MPHOSPH8: variants seen among roughly 807,000 people sequenced by gnomAD.
MPHOSPH8 encodes the protein M-phase phosphoprotein 8.
Under a neutral mutation model 87.3 loss-of-function variants are expected in MPHOSPH8, and 45 were observed. The observed-to-expected ratio is 0.52, with a 90% CI of 0.41 to 0.66. The LOEUF (loss-of-function observed/expected upper bound fraction) is 0.66, where lower values mean the gene tolerates loss of function less well. MPHOSPH8 is among the 30% of genes least tolerant of loss of function. MPHOSPH8 has a pLI of 0.00. For synonymous variants in MPHOSPH8, 366 were observed against 376.9 expected (o/e 0.97, Z 0.33); for missense variants, 883 against 1,020.2 (o/e 0.87, Z 1.83).
At chr13:19,656,015 G>A (rs944762622) in intron 5 of MPHOSPH8, among the ~76,000 whole-genome samples, 4 of 152,006 alleles carry the variant, frequency 2.6e-5, no homozygotes, top group African/African-American at 7.2e-5. Flanking sequence ...CAGGATAATC[G>A]CTTAAATCCG....
chr13:19,671,857 C>CA lies in MPHOSPH8; in HGVS notation c.2566dup (p.Arg856LysfsTer37). The CA allele has an allele frequency of 6.2e-7, 1 of 1,614,106 alleles. No homozygotes were observed. On this transcript the variant is annotated frameshift_variant, in exon 14 of 14. Transcript: ENST00000361479. LOFTEE classifies it high-confidence loss of function. ...AGGTTAAGTTGCTAATAGGTGCATA[C>CA]AGAGTGCAGCTGCAGTGACCAAACA... is the stretch of plus-strand genomic sequence containing the variant.
intron 2 of MPHOSPH8, among the ~76,000 whole-genome samples, chr13:19,644,688 C>A (rs753751513): frequency 2.0e-5 from 3 of 152,210 alleles, no homozygotes; most frequent in Non-Finnish European, 4.4e-5. Flanking sequence ...TCACTGACTT[C>A]TTTTGTTTCC....
rs776701900 is a variant in MPHOSPH8, at chr13:19,646,940, G to A, written c.867G>A (p.Glu289=). 5 of 1,592,106 alleles carry A rather than the reference G, an allele frequency of 3.1e-6. No homozygotes were observed. Among genetic ancestry groups the A allele is most frequent in the Non-Finnish European group, 3.4e-6 (4 of 1,174,802 alleles). The part of the protein sequence containing the change: ...SEGLHSDSRE[E]KQNTKSARER... ...GGCTACATTCCGACAGCAGAGAAGA[G>A]AAACAAAACACTAAAAGTGCAAGAG... Residue 289 remains glutamate, a synonymous_variant, in exon 3 of 14, where the codon GAG becomes GAA. Transcript: ENST00000361479.
rs544268362 is a variant in MPHOSPH8, at chr13:19,638,595, C to T, written c.214-3520C>T. Among the ~76,000 whole-genome samples the T allele has an allele frequency of 2.7e-5, 4 of 149,866 alleles. No individual in the cohort carries two copies. In the East Asian group the frequency reaches 7.9e-4, roughly 29 times the overall value. On this transcript the variant is annotated intron_variant, in intron 1 of 13. Coordinates refer to ENST00000361479, the MANE Select transcript of MPHOSPH8 (RefSeq NM_017520.4). ...GACACTGCACTCCAGCCTGACAGAG[C>T]AAGACTCTGTCTCAAAAAAAAAAAA...
chr13:19,646,752 T>A lies in MPHOSPH8; in HGVS notation c.679T>A (p.Leu227Ile). 1 of 1,581,398 alleles carries A rather than the reference T, an allele frequency of 6.3e-7. No homozygotes were observed. The highest frequency in any genetic ancestry group is 8.6e-7 in the Non-Finnish European group (1 of 1,167,404). ...AGATGAAGTAAAAGAAACAAAAGAA[T>A]TAAAGAAAGTTAAAAAGGGTGAAAT... ...KKDEVKETKE[L>I]KKVKKGEIRD... The change falls in exon 3 of 14, where the codon TTA (leucine) becomes ATA (isoleucine). Residue 227 changes from leucine (L) to isoleucine (I), a missense_variant. This residue lies in a region of MPHOSPH8 where 741 missense variants were observed against 841.5 expected (regional missense o/e 0.88). Coordinates refer to ENST00000361479, the MANE Select transcript of MPHOSPH8 (RefSeq NM_017520.4).
At chr13:19,648,599 T>C (rs1002249788) in intron 4 of MPHOSPH8, 78 bp downstream of exon 4, 1 of 588,246 alleles carries the variant, frequency 1.7e-6, no homozygotes, top group Non-Finnish European at 2.5e-6. Context: ...ATTTATTATA[T>C]AAAAATTTAT....
At chr13:19,639,703 AG>A (rs1418402163) in intron 1 of MPHOSPH8, among the ~76,000 whole-genome samples, 1 of 152,172 alleles carries the variant, frequency 6.6e-6, no homozygotes, top group Non-Finnish European at 1.5e-5. Context: ...GGGGTAAGAG[AG>A]GAGGGAAGGA....
At chr13:19,654,889 AG>A (rs1368381657) in intron 5 of MPHOSPH8, among the ~76,000 whole-genome samples, 3 of 152,118 alleles carry the variant, frequency 2.0e-5, no homozygotes, top group African/African-American at 7.2e-5. Flanking sequence ...CAGAGGTTTC[AG>A]TGAGCTGAGA....
chr13:19,634,291 T>C (rs1379429040), intron 1 of MPHOSPH8, among the ~76,000 whole-genome samples: 2 of 152,180 alleles, frequency 1.3e-5, no homozygotes, highest in Non-Finnish European at 2.9e-5. Flanking sequence ...GATAGTGAAG[T>C]AATGCTTCTC....
At chr13:19,661,941 A>C in intron 8 of MPHOSPH8, 103 bp downstream of exon 8, 2 of 1,296,708 alleles carry the variant, frequency 1.5e-6, no homozygotes, top group Non-Finnish European at 2.0e-6. Context: ...ACATGGTCAC[A>C]TCGCTTTTTT....
Position 19,671,951 on chromosome 13 carries a change from C to T in MPHOSPH8, c.*76C>T. 2 of 1,442,146 alleles carry T rather than the reference C, an allele frequency of 1.4e-6. No individual in the cohort carries two copies. Among genetic ancestry groups the T allele is most frequent in the East Asian group, 2.3e-5 (1 of 44,044 alleles). 89.3% of individuals were successfully genotyped at this position (1,442,146 alleles called of 1,614,324 possible). A position where few individuals can be genotyped will look rare whatever the true frequency, so the allele number is the denominator to read the frequency against. ...TCTTTGACAGCAGTTTGGAATTCTT[C>T]TAGCACATCTATGTAAAGTTTTGTC... On this transcript the variant is annotated 3_prime_UTR_variant, in exon 14 of 14. Transcript: ENST00000361479.
At chr13:19,655,173 C>T (rs1319148501) in intron 5 of MPHOSPH8, among the ~76,000 whole-genome samples, 2 of 152,056 alleles carry the variant, frequency 1.3e-5, no homozygotes, top group Admixed American at 6.6e-5. Flanking sequence ...TGATAAAGGA[C>T]ATTAAACCTT....
chr13:19,671,737 A>G (rs1593495635), intron 13 of MPHOSPH8, 97 bp from the exon 14 acceptor site: 1 of 1,118,136 alleles, frequency 8.9e-7, no homozygotes, highest in Non-Finnish European at 1.3e-6. Flanking sequence ...AATATTGCCA[A>G]ATAATAGAAG....
In MPHOSPH8 at chr13:19,646,478, C is replaced by A; in HGVS notation, c.405C>A (p.Asn135Lys). The change falls in exon 3 of 14, where the codon AAC (asparagine) becomes AAA (lysine). Residue 135 changes from asparagine (N) to lysine (K), a missense_variant. This residue lies in a region of MPHOSPH8 where 39 missense variants were observed against 82.4 expected (regional missense o/e 0.47). Coordinates refer to ENST00000361479, the MANE Select transcript of MPHOSPH8 (RefSeq NM_017520.4). The stretch of plus-strand genomic sequence containing the variant: ...TAAATAACGACATATTTGAGGCGAA[C>A]TCTGATAGCGATCAGCAAAGTGAGA... ...LSLNNDIFEA[N>K]SDSDQQSETK... The A allele has an allele frequency of 6.5e-7, 1 of 1,544,038 alleles. No individual in the cohort carries two copies. Among genetic ancestry groups the A allele is most frequent in the South Asian group, 1.3e-5 (1 of 77,598 alleles).
intron 1 of MPHOSPH8, among the ~76,000 whole-genome samples, chr13:19,640,460 C>T (rs527841264): frequency 6.6e-6 from 1 of 152,156 alleles, no homozygotes; most frequent in African/African-American, 2.4e-5. Flanking sequence ...GAGAGATGGA[C>T]TCTTGTATCT....
chr13:19,671,779 TAAGA>T (rs1281365682), intron 13 of MPHOSPH8, 51 bp from the exon 14 acceptor site: 2 of 1,565,766 alleles, frequency 1.3e-6, no homozygotes, highest in Admixed American at 1.8e-5. Flanking sequence ...TTTTTTCTTG[TAAGA>T]AAGGGGAAAT....
At chr13:19,653,214 A>G (rs1414031804) in intron 5 of MPHOSPH8, among the ~76,000 whole-genome samples, 1 of 152,178 alleles carries the variant, frequency 6.6e-6, no homozygotes, top group South Asian at 2.1e-4. Context: ...CCCCTCTGGG[A>G]CGAAGCTTCC....
chr13:19,656,425 A>G (rs9579600), intron 5 of MPHOSPH8, among the ~76,000 whole-genome samples: 16,264 of 152,142 alleles, frequency 0.11, 1,060 homozygotes, highest in African/African-American at 0.18. Context: ...TTTTAAACCT[A>G]TATACATTTC....
chr13:19,645,797 C>T (rs963040005), intron 2 of MPHOSPH8, among the ~76,000 whole-genome samples: 1 of 150,544 alleles, frequency 6.6e-6, no homozygotes, highest in Admixed American at 6.6e-5. Flanking sequence ...ACCCCCAAGT[C>T]ATTTAGGATA....
Sources: allele counts gnomAD v4.1 joint callset (sites outside exome capture counted in the v4.1 genomes callset), GRCh38; gene constraint gnomAD v4.1.1; regional missense constraint gnomAD v4.1.1; transcripts MANE v1.5; gene names NCBI Gene and HGNC (gene_info 2026-07-23, HGNC 2026-07-21).